The following TTC12 variants were observed in gnomAD, a reference collection of about 807,000 sequenced individuals.
The protein encoded by TTC12 is tetratricopeptide repeat domain 12, also known as tetratricopeptide repeat protein 12.
A neutral mutation model predicts 90.1 loss-of-function variants in TTC12; 70 were observed. The observed-to-expected ratio is 0.78, with a 90% CI of 0.64 to 0.95. The LOEUF (loss-of-function observed/expected upper bound fraction) is 0.95, where lower values mean the gene tolerates loss of function less well. Ranked by LOEUF, TTC12 falls within the 40% of genes least tolerant of loss-of-function variation. The pLI is 0.00. For missense variants in TTC12, 819 were observed against 846.1 expected (o/e 0.97, Z 0.40); for synonymous variants, 296 against 311.5 (o/e 0.95, Z 0.53).
At chr11:113,332,276 A>G (rs2137961567) in intron 7 of TTC12, among the ~76,000 whole-genome samples, 1 of 152,338 alleles carries the variant, frequency 6.6e-6, no homozygotes, top group South Asian at 2.1e-4. Flanking sequence ...GGGTCGACAC[A>G]TGATCAAAGG....
At chr11:113,325,872 A>G in intron 6 of TTC12, among the ~76,000 whole-genome samples, 1 of 152,198 alleles carries the variant, frequency 6.6e-6, no homozygotes, top group East Asian at 1.9e-4. Flanking sequence ...ACTTGGGAAG[A>G]GCTGTCCATT....
At chr11:113,324,172 G>A (rs553983823) in intron 4 of TTC12, 157 bp downstream of exon 4, 20 of 604,326 alleles carry the variant, frequency 3.3e-5, no homozygotes, top group Middle Eastern at 2.6e-4. Flanking sequence ...AGTGATCAGC[G>A]GGAATGTCCC....
In TTC12 at chr11:113,324,027, A is replaced by C. The variant is rs781905959; in HGVS notation, c.244+12A>C. ...AGAAATAAACTCAGGTAAGGACAGC[A>C]TCTCTCTTCCCAATTTTCATTCTTT... On this transcript the variant is annotated intron_variant, in intron 4 of 21. Transcript: ENST00000529221. The C allele has an allele frequency of 1.2e-6, 2 of 1,608,378 alleles. No homozygotes were observed. The highest frequency in any genetic ancestry group is 2.2e-5 in the South Asian group (2 of 90,806).
chr11:113,324,076 T>C (rs1355927676), intron 4 of TTC12, 61 bp downstream of exon 4: 5 of 1,379,240 alleles, frequency 3.6e-6, no homozygotes, highest in Non-Finnish European at 5.1e-6. Flanking sequence ...TTTGATTGAT[T>C]GTAGCTCCCA....
At position 113,364,819 on chromosome 11, in the gene TTC12, T is replaced by A; in HGVS notation, c.1817-16T>A. ...GATTAAAAGGAGCTGTTGCTTGTTC[T>A]CTTCTTTCCCTGCAGAGTTGAGCGT... On this transcript the variant is annotated splice_polypyrimidine_tract_variant and intron_variant, in intron 20 of 21. Coordinates refer to ENST00000529221, the MANE Select transcript of TTC12 (RefSeq NM_017868.4). The A allele has an allele frequency of 3.1e-6, 5 of 1,612,024 alleles. No homozygotes were observed. The highest frequency in any genetic ancestry group is 4.2e-6 in the Non-Finnish European group (5 of 1,178,172).
Position 113,364,957 on chromosome 11 carries a change from C to T in TTC12, c.1939C>T (p.Leu647Phe), listed in dbSNP as rs758912853. Residue 647 changes from leucine (L) to phenylalanine (F), a missense_variant, in exon 21 of 22, where the codon CTT becomes TTT. Transcript: ENST00000529221. ...TGCGTCTTCCCTGCTAAAGACGGAC[C>T]TTTTGCAGGTCTTGTTAAAGCTTGC... ...NVASSLLKTD[L>F]LQVLLKLAGS... The T allele has an allele frequency of 1.2e-6, 2 of 1,614,138 alleles. No homozygotes were observed. The highest frequency in any genetic ancestry group is 1.1e-5 in the South Asian group (1 of 91,080).
chr11:113,368,133 T>G (rs1950272468), downstream of TTC12: 2 of 1,296,936 alleles, frequency 1.5e-6, no homozygotes, highest in Non-Finnish European at 2.0e-6. Flanking sequence ...AGGTGTATTC[T>G]CTTCCCCAAA....
intron 2 of TTC12, among the ~76,000 whole-genome samples, chr11:113,321,972 A>G (rs1481768169): frequency 6.6e-6 from 1 of 152,178 alleles, no homozygotes; most frequent in South Asian, 2.1e-4. Flanking sequence ...AGCCACAAAA[A>G]TGGTGGTTTG....
chr11:113,324,533 G>A (rs553795458), intron 4 of TTC12, 72 bp from the exon 5 acceptor site: 64 of 1,327,170 alleles, frequency 4.8e-5, no homozygotes, highest in East Asian at 2.4e-4. Context: ...GTAACACTTC[G>A]AATTTGAGCT....
chr11:113,370,390 G>A (rs1451211384), downstream of TTC12, among the ~76,000 whole-genome samples: 1 of 152,200 alleles, frequency 6.6e-6, no homozygotes, highest in African/African-American at 2.4e-5. Context: ...CTAGAAAGAG[G>A]AGTGCTAGCC....
rs940355315 is a variant in TTC12 at position 113,332,487 on chromosome 11, A to G, written c.505-2479A>G. ...AATGCACTGTGAATATTTGGCTTTC[A>G]TGAGCTGAAGTGCTAGAGTTTCCTC... On this transcript the variant is annotated intron_variant, in intron 7 of 21. Coordinates refer to ENST00000529221, the MANE Select transcript of TTC12 (RefSeq NM_017868.4). Among the ~76,000 whole-genome samples, 13 of 152,332 alleles carry G rather than the reference A, an allele frequency of 8.5e-5. No individual in the cohort carries two copies. The East Asian group carries it at 2.5e-3, about 29-fold the overall frequency.
intron 6 of TTC12, among the ~76,000 whole-genome samples, chr11:113,328,223 A>G (rs1388985938): frequency 1.3e-5 from 2 of 152,192 alleles, no homozygotes; most frequent in Non-Finnish European, 2.9e-5. Flanking sequence ...GCTGCCTCTC[A>G]GGGAGCTTTC....
At chr11:113,344,518 C>T (rs1948844650) in intron 13 of TTC12, 78 bp downstream of exon 13, 2 of 1,408,214 alleles carry the variant, frequency 1.4e-6, no homozygotes, top group Non-Finnish European at 2.0e-6. Context: ...TGTCTCCCCT[C>T]CTATCTCTGT....
chr11:113,353,342 A>G (rs564691211), intron 16 of TTC12, among the ~76,000 whole-genome samples: 1 of 152,160 alleles, frequency 6.6e-6, no homozygotes, highest in South Asian at 2.1e-4. Context: ...AATTTTTTTA[A>G]GTTCTTTATA....
At position 113,324,691 on chromosome 11, in the gene TTC12, C is replaced by G. The variant is rs1239113508; in HGVS notation, c.322+9C>G. Reference sequence around the variant, plus strand: ...CAAAGTCTTGGCGGATGGTAATTGTCAGTCCTTACTTTTCAATGGCTGGGA... The same window carrying G: ...CAAAGTCTTGGCGGATGGTAATTGTGAGTCCTTACTTTTCAATGGCTGGGA... On this transcript the variant is annotated intron_variant, in intron 5 of 21. Coordinates refer to ENST00000529221, the MANE Select transcript of TTC12 (RefSeq NM_017868.4). The G allele has an allele frequency of 1.2e-6, 2 of 1,612,256 alleles. No homozygotes were observed. Among genetic ancestry groups the G allele is most frequent in the South Asian group, 1.1e-5 (1 of 90,814 alleles).
chr11:113,344,231 A>T, intron 12 of TTC12, 41 bp from the exon 13 acceptor site: 1 of 1,577,232 alleles, frequency 6.3e-7, no homozygotes, highest in Non-Finnish European at 8.6e-7. Flanking sequence ...TTTAATTGCC[A>T]TGATGGCATG....
chr11:113,320,888 A>G (rs1043770099), intron 2 of TTC12, among the ~76,000 whole-genome samples: 2 of 152,154 alleles, frequency 1.3e-5, no homozygotes, highest in African/African-American at 2.4e-5. Flanking sequence ...CTGTTTCACA[A>G]TCAAATCAAC....
intron 16 of TTC12, among the ~76,000 whole-genome samples, chr11:113,353,195 G>A (rs1001504917): frequency 2.0e-5 from 3 of 152,110 alleles, no homozygotes; most frequent in Non-Finnish European, 4.4e-5. Flanking sequence ...TTGTGGTTTT[G>A]ATTTGCATTT....
chr11:113,371,887 T>A (rs780708225), intron 21 of TTC12, among the ~76,000 whole-genome samples: 1 of 152,188 alleles, frequency 6.6e-6, no homozygotes, highest in Non-Finnish European at 1.5e-5. Context: ...ATGAGATGAT[T>A]TCTATAAAGC....
Sources: allele counts gnomAD v4.1 joint callset (sites outside exome capture counted in the v4.1 genomes callset), GRCh38; gene constraint gnomAD v4.1.1; transcripts MANE v1.5; gene names NCBI Gene and HGNC (gene_info 2026-07-23, HGNC 2026-07-21).